SCNN1B: variants seen among roughly 807,000 people sequenced by gnomAD.
The protein encoded by SCNN1B is sodium channel epithelial 1 subunit beta.
SCNN1B carries 46 observed loss-of-function variants against 65.3 expected under a neutral mutation model. That is an observed-to-expected ratio of 0.70 (90% CI 0.56 to 0.90). The LOEUF (loss-of-function observed/expected upper bound fraction) is 0.90, where lower values mean the gene tolerates loss of function less well. Ranked by LOEUF, SCNN1B falls within the 40% of genes least tolerant of loss-of-function variation. The probability of loss-of-function intolerance (pLI) is 0.00; values close to 1 mark genes in which losing one functional copy is unlikely to be tolerated. For synonymous variants in SCNN1B, 349 were observed against 330.6 expected, an observed-to-expected ratio of 1.06 and a Z score of -0.60; for missense variants, 751 against 830.5, an observed-to-expected ratio of 0.90 and a Z score of 1.18.
chr16:23,303,746 T>C (rs573937853), intron 1 of SCNN1B, among the ~76,000 whole-genome samples: 1 of 146,392 alleles, frequency 6.8e-6, no homozygotes, highest in African/African-American at 2.7e-5. Context: ...TGAAACCCCA[T>C]TTCTACAAAA....
chr16:23,360,201 A>AAAAAT (rs1555488432), intron 4 of SCNN1B, among the ~76,000 whole-genome samples: 2 of 132,750 alleles, frequency 1.5e-5, no homozygotes, highest in African/African-American at 2.7e-5. Flanking sequence ...CCATCTCAAA[A>AAAAAT]AAATAAATAA....
Position 23,352,557 on chromosome 16 carries a change from C to T in SCNN1B, c.312-244C>T, listed in dbSNP as rs558646604. On this transcript the variant is annotated intron_variant, in intron 2 of 12. Coordinates refer to ENST00000343070, the MANE Select transcript of SCNN1B (RefSeq NM_000336.3). The stretch of plus-strand genomic sequence containing the variant: ...CTCTCTTTCTCTCTCTCTCCTGCTG[C>T]CATGTAAGACATGCCTTGCTTCCCC... Among the ~76,000 whole-genome samples the T allele has an allele frequency of 2.0e-3, 302 of 152,272 alleles. 2 individuals are homozygous for T. Among genetic ancestry groups the T allele is most frequent in the African/African-American group, 7.1e-3 (294 of 41,544 alleles).
intron 4 of SCNN1B, among the ~76,000 whole-genome samples, chr16:23,360,201 A>AAAAAAT (rs1555488432): frequency 1.1e-3 from 148 of 132,848 alleles, no homozygotes; most frequent in African/African-American, 3.7e-3. Context: ...CCATCTCAAA[A>AAAAAAT]AAATAAATAA....
At chr16:23,376,378 G>A (rs538587333) in intron 8 of SCNN1B, among the ~76,000 whole-genome samples, 7 of 151,862 alleles carry the variant, frequency 4.6e-5, no homozygotes, top group African/African-American at 7.3e-5. Flanking sequence ...GTGTGTGCAC[G>A]TGCATGTATG....
Position 23,367,977 on chromosome 16 carries a change from G to T in SCNN1B, c.880+18G>T, listed in dbSNP as rs201941596. On this transcript the variant is annotated intron_variant, in intron 5 of 12. Transcript: ENST00000343070. The stretch of plus-strand genomic sequence containing the variant: ...TGAATTCGGTGAGTTTTGGTTTATC[G>T]TGGGGCCAGAGCCATGAGGCTTTAA... 1 of 1,577,692 alleles carries T rather than the reference G, an allele frequency of 6.3e-7. No individual in the cohort carries two copies. Among genetic ancestry groups the T allele is most frequent in the Non-Finnish European group, 8.7e-7 (1 of 1,146,982 alleles).
chr16:23,285,277 A>G (rs929151041), intron 2 of SCNN1B, among the ~76,000 whole-genome samples: 1 of 152,118 alleles, frequency 6.6e-6, no homozygotes, highest in African/African-American at 2.4e-5. Flanking sequence ...GGCTCAAGCT[A>G]TCCTCTTGTC....
chr16:23,356,190 C>T (rs961975139), intron 4 of SCNN1B, among the ~76,000 whole-genome samples: 4 of 152,180 alleles, frequency 2.6e-5, no homozygotes, highest in African/African-American at 9.7e-5. Flanking sequence ...GGTGGGTGCA[C>T]CAGCCCGATG....
At chr16:23,309,265 C>T (rs555304751) in intron 1 of SCNN1B, among the ~76,000 whole-genome samples, 16 of 152,190 alleles carry the variant, frequency 1.1e-4, no homozygotes, top group Admixed American at 5.9e-4. Flanking sequence ...GGGGCAAACT[C>T]GACTTTTAGA....
chr16:23,300,278 C>T (rs1474944303), upstream of SCNN1B, among the ~76,000 whole-genome samples: 3 of 151,848 alleles, frequency 2.0e-5, no homozygotes, highest in Non-Finnish European at 2.9e-5. Flanking sequence ...CACCATGGCA[C>T]GTGTATACCT....
chr16:23,323,899 T>C (rs535895819), intron 1 of SCNN1B, among the ~76,000 whole-genome samples: 1 of 152,280 alleles, frequency 6.6e-6, no homozygotes, highest in Non-Finnish European at 1.5e-5. Context: ...TCTAAGGCAA[T>C]TAAGTATCTA....
At chr16:23,357,809 G>A (rs1213222589) in intron 4 of SCNN1B, among the ~76,000 whole-genome samples, 1 of 152,152 alleles carries the variant, frequency 6.6e-6, no homozygotes, top group South Asian at 2.1e-4. Flanking sequence ...CTGTGTTTCA[G>A]CCTCACTGTC....
At chr16:23,365,328 A>G (rs1962626293) in intron 4 of SCNN1B, among the ~76,000 whole-genome samples, 1 of 150,128 alleles carries the variant, frequency 6.7e-6, no homozygotes, top group Non-Finnish European at 1.5e-5. Context: ...GAAAGAGAGA[A>G]AAAGGGAGGA....
At chr16:23,330,292 G>C (rs747719199) in intron 1 of SCNN1B, among the ~76,000 whole-genome samples, 16 of 152,258 alleles carry the variant, frequency 1.1e-4, no homozygotes, top group Middle Eastern at 3.4e-3. Flanking sequence ...CAATCCCCTT[G>C]GTCCCTTGAT....
chr16:23,292,476 C>T (rs1161335645), intron 2 of SCNN1B, among the ~76,000 whole-genome samples: 1 of 151,876 alleles, frequency 6.6e-6, no homozygotes, highest in East Asian at 2.0e-4. Context: ...GGATTACAGG[C>T]ATAAGCCACC....
intron 4 of SCNN1B, among the ~76,000 whole-genome samples, chr16:23,356,037 T>C (rs148576628): frequency 0.012 from 1,803 of 152,276 alleles, 19 homozygotes; most frequent in Non-Finnish European, 0.015. Flanking sequence ...ATCTGGAGCA[T>C]AAACTGAACC....
chr16:23,316,092 CCAT>C (rs1322647267), intron 1 of SCNN1B, among the ~76,000 whole-genome samples: 1 of 149,690 alleles, frequency 6.7e-6, no homozygotes, highest in African/African-American at 2.5e-5. Context: ...ACCATCACCA[CCAT>C]CATCACAACC....
chr16:23,377,208 G>T lies in SCNN1B; in HGVS notation c.1314G>T (p.Glu438Asp), dbSNP rs1303588535. The T allele has an allele frequency of 5.0e-6, 8 of 1,614,128 alleles. No homozygotes were observed. Among genetic ancestry groups the T allele is most frequent in the Non-Finnish European group, 5.9e-6 (7 of 1,180,054 alleles). The change falls in exon 9 of 13, where the codon GAG becomes GAT. Residue 438 changes from glutamate to aspartate, a missense_variant. Glu to Asp is a conservative substitution (Grantham distance 45). Coordinates refer to ENST00000343070, the MANE Select transcript of SCNN1B (RefSeq NM_000336.3). Reference protein sequence around the residue: ...SDLQMSVAQRETCIGMCKESC... With the variant: ...SDLQMSVAQRDTCIGMCKESC... ...TACAGATGAGCGTGGCGCAGAGAGA[G>T]ACCTGCATTGGCATGTGCAAGGAGT...
At position 23,314,486 on chromosome 16, in the gene SCNN1B, A is replaced by G. The variant is rs548309980; in HGVS notation, c.-9+12049A>G. On this transcript the variant is annotated intron_variant, in intron 1 of 12. Coordinates refer to ENST00000343070, the MANE Select transcript of SCNN1B (RefSeq NM_000336.3). ...TCAGAGAGCTTAAGTAACTTGCCCA[A>G]GGTCACACAGAGCTAGCAAATGGTG... Among the ~76,000 whole-genome samples the G allele has an allele frequency of 3.3e-5, 5 of 152,280 alleles. No homozygotes were observed. The South Asian group carries it at 1.0e-3, about 32-fold the overall frequency.
At chr16:23,367,706 G>C in intron 4 of SCNN1B, 150 bp from the exon 5 acceptor site, 1 of 730,844 alleles carries the variant, frequency 1.4e-6, no homozygotes, top group Non-Finnish European at 2.5e-6. Flanking sequence ...CTCCCCTCTG[G>C]TTTGGACCAG....
Sources: allele counts gnomAD v4.1 joint callset (sites outside exome capture counted in the v4.1 genomes callset), GRCh38; gene constraint gnomAD v4.1.1; transcripts MANE v1.5; gene names NCBI Gene and HGNC (gene_info 2026-07-23, HGNC 2026-07-21).